The following SLC22A23 variants were observed in gnomAD, a reference collection of about 807,000 sequenced individuals.
SLC22A23 encodes ion transporter protein.
Under a neutral mutation model 61.0 loss-of-function variants are expected in SLC22A23, and 26 were observed. The observed-to-expected ratio is 0.43, with a 90% confidence interval of 0.31 to 0.59. The LOEUF is 0.59. Ranked by LOEUF, SLC22A23 falls within the 20% of genes least tolerant of loss-of-function variation. The pLI is 0.11. For missense variants in SLC22A23, 796 were observed against 934.7 expected, an observed-to-expected ratio of 0.85 and a Z score of 1.94; for synonymous variants, 430 against 413.9, an observed-to-expected ratio of 1.04 and a Z score of -0.47.
At chr6:3,331,806 G>A (rs1763595122) in intron 3 of SLC22A23, among the ~76,000 whole-genome samples, 1 of 152,170 alleles carries the variant, frequency 6.6e-6, no homozygotes, top group South Asian at 2.1e-4. Context: ...GGAGAGGAAC[G>A]ACTTCAAACA....
intron 3 of SLC22A23, among the ~76,000 whole-genome samples, chr6:3,367,434 G>A (rs1183391371): frequency 6.6e-6 from 1 of 152,168 alleles, no homozygotes; most frequent in Non-Finnish European, 1.5e-5. Context: ...TGGCTGTGAC[G>A]GCACCTACAG....
chr6:3,340,074 CA>C (rs1764066298), intron 3 of SLC22A23, among the ~76,000 whole-genome samples: 1 of 152,170 alleles, frequency 6.6e-6, no homozygotes, highest in African/African-American at 2.4e-5. Context: ...CCTCTCCCCA[CA>C]GGGGAGGTGC....
In SLC22A23 at chr6:3,372,700, A is replaced by T. The variant is rs1019887160; in HGVS notation, c.913+37488T>A. ...TGAGCATCCCAGGGAGCTGGAGCAC[A>T]GCCGGGGCGTTAGATATGGAGCCTC... On this transcript the variant is annotated intron_variant, in intron 3 of 9. Transcript: ENST00000406686. This position sits in a 1 kb window ranked among gnomAD's most constrained non-coding sequence, Gnocchi z 4.7. Among the ~76,000 whole-genome samples the T allele has an allele frequency of 1.3e-5, 2 of 152,216 alleles. No homozygotes were observed. Among genetic ancestry groups the T allele is most frequent in the African/African-American group, 4.8e-5 (2 of 41,454 alleles).
intron 3 of SLC22A23, among the ~76,000 whole-genome samples, chr6:3,339,692 C>T (rs1400994685): frequency 2.0e-5 from 3 of 152,160 alleles, no homozygotes; most frequent in African/African-American, 4.8e-5. Context: ...AGCGCCATGA[C>T]GGTTTACAGA....
intron 1 of SLC22A23, among the ~76,000 whole-genome samples, chr6:3,430,827 G>C (rs186741721): frequency 4.6e-5 from 7 of 152,308 alleles, no homozygotes; most frequent in Admixed American, 2.0e-4. Context: ...AGCACTTTGG[G>C]AGACTGAGGT....
chr6:3,283,702 A>C (rs1270347917), intron 9 of SLC22A23, 150 bp downstream of exon 9: 2 of 1,429,446 alleles, frequency 1.4e-6, no homozygotes, highest in African/African-American at 2.8e-5. Flanking sequence ...GGTTGGGTCC[A>C]ACAGCCACCT....
At chr6:3,412,658 G>A (rs1355447904) in intron 2 of SLC22A23, among the ~76,000 whole-genome samples, 5 of 152,160 alleles carry the variant, frequency 3.3e-5, no homozygotes, top group Admixed American at 6.5e-5. Context: ...CAGAACCTGT[G>A]AGTATTTTAC....
At chr6:3,373,675 AGAG>A (rs922963439) in intron 3 of SLC22A23, among the ~76,000 whole-genome samples, 38 of 152,286 alleles carry the variant, frequency 2.5e-4, no homozygotes, top group Middle Eastern at 3.4e-3. Flanking sequence ...AAGAAAAGGA[AGAG>A]GAGGAGGAGG....
intron 1 of SLC22A23, among the ~76,000 whole-genome samples, chr6:3,450,563 C>T (rs1260735986): frequency 6.6e-6 from 1 of 152,218 alleles, no homozygotes; most frequent in Non-Finnish European, 1.5e-5. Context: ...CCTCGGCCTC[C>T]CAAAGTGCTG....
In SLC22A23 at chr6:3,322,693, C is replaced by T. The variant is rs1338524644; in HGVS notation, c.1082+1141G>A. Among the ~76,000 whole-genome samples the T allele has an allele frequency of 6.6e-6, 1 of 152,186 alleles. No homozygotes were observed. The highest frequency in any genetic ancestry group is 1.5e-5 in the Non-Finnish European group (1 of 68,032). ...AAACCGCACCTGCACCCTCGCAGTA[C>T]ATCTACTACCAGGGCAGGGGCGGGG... On this transcript the variant is annotated intron_variant, in intron 4 of 9. Transcript: ENST00000406686. The surrounding 1 kb of genome is among the most constrained non-coding windows in gnomAD (Gnocchi z 4.1).
intron 3 of SLC22A23, among the ~76,000 whole-genome samples, chr6:3,403,286 C>T (rs924754541): frequency 2.6e-5 from 4 of 151,756 alleles, no homozygotes; most frequent in Admixed American, 1.3e-4. Context: ...TCTTACACTC[C>T]TGAACAATTT....
In SLC22A23 at chr6:3,298,136, T is replaced by G. The variant is rs184064348; in HGVS notation, c.1165A>C (p.Lys389Gln). ...TCGCCCTCAGGGTTCATGCGATTCT[T>G]CTGTGTGAAGTGGAGGATCAGCCTC... ...AKRLILHFTQ[K>Q]NRMNPEGDIK... is the part of the protein sequence containing the mutation. The change falls in exon 5 of 10, where the codon AAG (lysine) becomes CAG (glutamine). Residue 389 changes from lysine (K) to glutamine (Q), a missense_variant. Coordinates refer to ENST00000406686, the MANE Select transcript of SLC22A23 (RefSeq NM_015482.2). The G allele has an allele frequency of 6.3e-7, 1 of 1,587,268 alleles. No homozygotes were observed. Among genetic ancestry groups the G allele is most frequent in the Admixed American group, 1.8e-5 (1 of 54,240 alleles).
At position 3,286,244 on chromosome 6, in the gene SLC22A23, G is replaced by A. The variant is rs565597193; in HGVS notation, c.1546+615C>T. Reference sequence around the variant, plus strand: ...CTCCTGAGTAGCTGGGACTACAGGCGTGTACCACCAAGCCCAGCTAATTAT... The same window carrying A: ...CTCCTGAGTAGCTGGGACTACAGGCATGTACCACCAAGCCCAGCTAATTAT... On this transcript the variant is annotated intron_variant, in intron 7 of 9. Coordinates refer to ENST00000406686, the MANE Select transcript of SLC22A23 (RefSeq NM_015482.2). The surrounding 1 kb of genome is among the most constrained non-coding windows in gnomAD (Gnocchi z 4.2). 6.6e-6 allele frequency among the ~76,000 whole-genome samples: 1 copy of A among 152,028 alleles called. No homozygotes were observed. Among genetic ancestry groups the A allele is most frequent in the Non-Finnish European group, 1.5e-5 (1 of 68,012 alleles).
intron 3 of SLC22A23, among the ~76,000 whole-genome samples, chr6:3,370,628 C>T (rs1348918967): frequency 6.6e-6 from 1 of 152,272 alleles, no homozygotes; most frequent in Non-Finnish European, 1.5e-5. Context: ...GGTCTGTGTG[C>T]CCAAGGCCAG....
At chr6:3,356,664 T>A (rs1765126261) in intron 3 of SLC22A23, among the ~76,000 whole-genome samples, 1 of 152,152 alleles carries the variant, frequency 6.6e-6, no homozygotes, top group Admixed American at 6.5e-5. Context: ...GTAACCCTGT[T>A]GTCTTCCTCC....
At chr6:3,314,006 G>A (rs1382095942) in intron 4 of SLC22A23, among the ~76,000 whole-genome samples, 5 of 152,292 alleles carry the variant, frequency 3.3e-5, no homozygotes, top group South Asian at 2.1e-4. Flanking sequence ...TCCAGCCTGC[G>A]CAATAAGAGC....
At chr6:3,363,660 C>T (rs915089276) in intron 3 of SLC22A23, among the ~76,000 whole-genome samples, 14 of 152,258 alleles carry the variant, frequency 9.2e-5, no homozygotes, top group African/African-American at 3.4e-4. Flanking sequence ...AGGACAATGC[C>T]ACCCCAAAAA....
intron 1 of SLC22A23, among the ~76,000 whole-genome samples, chr6:3,426,813 C>T (rs1770522962): frequency 6.6e-6 from 1 of 152,252 alleles, no homozygotes; most frequent in South Asian, 2.1e-4. Context: ...GCCTACTCCA[C>T]ATCCCAAAGT....
chr6:3,285,395 G>A (rs1759894144), intron 7 of SLC22A23, among the ~76,000 whole-genome samples: 1 of 152,246 alleles, frequency 6.6e-6, no homozygotes. Flanking sequence ...GGTGCAAAGG[G>A]TGAGCTTCCT....
Sources: allele counts gnomAD v4.1 joint callset (sites outside exome capture counted in the v4.1 genomes callset), GRCh38; gene constraint gnomAD v4.1.1; non-coding constraint Gnocchi (gnomAD v3.1); transcripts MANE v1.5; gene names NCBI Gene and HGNC (gene_info 2026-07-23, HGNC 2026-07-21).